Variants in BFSP2 observed in about 807,000 individuals in gnomAD.
BFSP2 encodes beaded filament structural protein 2.
BFSP2 carries 38 observed loss-of-function variants against 44.9 expected under a neutral mutation model. That is an observed-to-expected ratio of 0.85 (90% CI 0.65 to 1.11). The LOEUF is 1.11. BFSP2 is among the 50% of genes least tolerant of loss of function. The pLI is 0.00. For missense variants in BFSP2, 525 were observed against 533.0 expected (o/e 0.99, Z 0.15); for synonymous variants, 197 against 209.9 (o/e 0.94, Z 0.53).
chr3:133,456,832 G>A lies in BFSP2; in HGVS notation c.891+6368G>A, dbSNP rs559853248. 7.2e-5 allele frequency among the ~76,000 whole-genome samples: 11 copies of A among 152,272 alleles called. 2 individuals are homozygous for A. In the South Asian group the frequency reaches 2.3e-3, roughly 32 times the overall value. On this transcript the variant is annotated intron_variant, in intron 4 of 6. Transcript: ENST00000302334. ...ATTTCAGCAGCTACAGATGACTAGT[G>A]ACTGCTCTATTAGAGGACAGCATAG...
chr3:133,403,551 A>C lies in BFSP2; in HGVS notation c.489+2979A>C, dbSNP rs2073379422. ...AAACAGAGAATCCAAGAGAGACCTCAGTCACTCAATAGCACGGTGGGGATG... is the reference window on the plus strand; with the variant it reads ...AAACAGAGAATCCAAGAGAGACCTCCGTCACTCAATAGCACGGTGGGGATG... On this transcript the variant is annotated intron_variant, in intron 1 of 6. Transcript: ENST00000302334. 2.0e-5 allele frequency among the ~76,000 whole-genome samples: 3 copies of C among 152,356 alleles called. No individual in the cohort carries two copies. In the South Asian group the frequency reaches 6.2e-4, roughly 32 times the overall value.
chr3:133,401,463 G>A (rs2073362148), intron 1 of BFSP2, among the ~76,000 whole-genome samples: 1 of 152,310 alleles, frequency 6.6e-6, no homozygotes, highest in African/African-American at 2.4e-5. Flanking sequence ...TATTGGACAG[G>A]GAAGGATGCA....
At chr3:133,465,933 C>A (rs1476525563) in intron 4 of BFSP2, among the ~76,000 whole-genome samples, 3 of 152,164 alleles carry the variant, frequency 2.0e-5, no homozygotes, top group Non-Finnish European at 4.4e-5. Context: ...GAAAGAAAGA[C>A]TAGAAACAAT....
intron 1 of BFSP2, among the ~76,000 whole-genome samples, chr3:133,440,639 T>C (rs2073836043): frequency 6.6e-6 from 1 of 152,142 alleles, no homozygotes; most frequent in Non-Finnish European, 1.5e-5. Flanking sequence ...GAATCAGAAC[T>C]TGGGGGGACA....
chr3:133,409,227 G>GGTGTGTGTGTGTGTGTGTGTGTGT (rs56156448), intron 1 of BFSP2, among the ~76,000 whole-genome samples: 2 of 148,498 alleles, frequency 1.3e-5, no homozygotes, highest in African/African-American at 5.0e-5. Flanking sequence ...TTCTGACACT[G>GGTGTGTGTGTGTGTGTGTGTGTGT]GTGTGTGTGT....
At chr3:133,426,282 A>C (rs2073653713) in intron 1 of BFSP2, among the ~76,000 whole-genome samples, 1 of 151,852 alleles carries the variant, frequency 6.6e-6, no homozygotes. Flanking sequence ...TGCCCTCCCA[A>C]ATGCCCCCTG....
chr3:133,405,606 C>G (rs552614111), intron 1 of BFSP2, among the ~76,000 whole-genome samples: 9 of 152,236 alleles, frequency 5.9e-5, no homozygotes, highest in Middle Eastern at 3.4e-3. Flanking sequence ...GATTTACAAC[C>G]TGGTATCCCT....
At chr3:133,451,689 T>A (rs2073967228) in intron 4 of BFSP2, among the ~76,000 whole-genome samples, 1 of 152,236 alleles carries the variant, frequency 6.6e-6, no homozygotes, top group African/African-American at 2.4e-5. Flanking sequence ...TGCCTTTGAG[T>A]GATGGATCAG....
rs1245537332 is a variant in BFSP2, at chr3:133,425,852, A to AGGAAG, written c.490-21450_490-21446dup. 1.5e-3 allele frequency among the ~76,000 whole-genome samples: 142 copies of AGGAAG among 95,646 alleles called. 2 individuals are homozygous for AGGAAG. The highest frequency in any genetic ancestry group is 2.4e-3 in the Non-Finnish European group (123 of 50,980). The allele number at this position is 95,646 out of a possible 152,430, so 62.7% of individuals were successfully genotyped here. Reference sequence around the variant, plus strand: ...AAGGGAAGGGAAATAAAGAAGGGAAAGGAAGGGAAGGGAAGGGAAATAAAG... The same window carrying AGGAAG: ...AAGGGAAGGGAAATAAAGAAGGGAAAGGAAGGGAAGGGAAGGGAAGGGAAATAAAG... On this transcript the variant is annotated intron_variant, in intron 1 of 6. Transcript: ENST00000302334.
At chr3:133,421,216 G>T (rs1446783858) in intron 1 of BFSP2, among the ~76,000 whole-genome samples, 1 of 152,236 alleles carries the variant, frequency 6.6e-6, no homozygotes, top group Non-Finnish European at 1.5e-5. Flanking sequence ...AAAGTAATCA[G>T]TTAATAAGAG....
Position 133,400,296 on chromosome 3 carries a change from C to A in BFSP2, c.213C>A (p.Ala71=). 6.2e-7 allele frequency: 1 copy of A among 1,614,008 alleles called. No individual in the cohort carries two copies. Among genetic ancestry groups the A allele is most frequent in the Non-Finnish European group, 8.5e-7 (1 of 1,180,030 alleles). The change falls in exon 1 of 7, where the codon GCC becomes GCA. Residue 71 remains alanine, a synonymous_variant. Coordinates refer to ENST00000302334, the MANE Select transcript of BFSP2 (RefSeq NM_003571.4). The surrounding 1 kb of genome is among the most constrained non-coding windows in gnomAD (Gnocchi z 4.0). ...APSGCIGGLG[A]RVTRRALGIS... ...GTGGGTGCATAGGTGGCTTGGGTGC[C>A]CGTGTGACCCGCCGGGCCCTCGGCA...
At chr3:133,432,831 C>T (rs906149467) in intron 1 of BFSP2, among the ~76,000 whole-genome samples, 1 of 152,264 alleles carries the variant, frequency 6.6e-6, no homozygotes, top group African/African-American at 2.4e-5. Context: ...GCATGGTTAG[C>T]GCGGTCAGAA....
chr3:133,427,112 A>C (rs1343741585), intron 1 of BFSP2, among the ~76,000 whole-genome samples: 1 of 152,214 alleles, frequency 6.6e-6, no homozygotes, highest in African/African-American at 2.4e-5. Context: ...CAACCAAAGA[A>C]ACAACAATTT....
intron 3 of BFSP2, chr3:133,449,361 C>CT (rs2073934666): frequency 6.6e-6 from 1 of 152,416 alleles, no homozygotes; most frequent in South Asian, 2.1e-4. Flanking sequence ...CTCTTTCATC[C>CT]TTGTCTGGCT....
intron 1 of BFSP2, among the ~76,000 whole-genome samples, chr3:133,438,589 C>T (rs6439406): frequency 0.28 from 41,853 of 151,812 alleles, 6,166 homozygotes; most frequent in African/African-American, 0.39. Context: ...CAGCAGGGTG[C>T]GGGGAGAGGA....
intron 1 of BFSP2, among the ~76,000 whole-genome samples, chr3:133,428,712 T>G (rs1046541864): frequency 6.6e-6 from 1 of 152,232 alleles, no homozygotes; most frequent in African/African-American, 2.4e-5. Flanking sequence ...ACGCAGGGCC[T>G]GTTGGAGAGC....
At chr3:133,402,536 T>A (rs1177489761) in intron 1 of BFSP2, among the ~76,000 whole-genome samples, 2 of 152,164 alleles carry the variant, frequency 1.3e-5, no homozygotes, top group Non-Finnish European at 2.9e-5. Context: ...CTTAAGTGAC[T>A]ATAAATGAGG....
intron 5 of BFSP2, among the ~76,000 whole-genome samples, chr3:133,470,581 T>C (rs2074152826): frequency 6.6e-6 from 1 of 152,220 alleles, no homozygotes; most frequent in Non-Finnish European, 1.5e-5. Flanking sequence ...CAGGACATGG[T>C]GCATGGGAAG....
chr3:133,423,645 G>T (rs977220098), intron 1 of BFSP2, among the ~76,000 whole-genome samples: 3 of 152,064 alleles, frequency 2.0e-5, no homozygotes, highest in Non-Finnish European at 4.4e-5. Flanking sequence ...CCACTTTGTG[G>T]CAGCGATCTC....
Sources: gnomAD v4.1 joint callset for allele counts (sites outside exome capture counted in the v4.1 genomes callset) on GRCh38, gnomAD v4.1.1 for gene constraint, Gnocchi (gnomAD v3.1) non-coding constraint, MANE v1.5 for transcripts, NCBI Gene and HGNC (gene_info 2026-07-23, HGNC 2026-07-21) for gene names.